The following NRDE2 variants were observed in gnomAD, a reference collection of about 807,000 sequenced individuals.
The protein encoded by NRDE2 is NRDE-2, necessary for RNA interference, domain containing.
A neutral mutation model predicts 124.2 loss-of-function variants in NRDE2; 76 were observed. The ratio of observed to expected loss-of-function variants is 0.61; its 90% CI spans 0.51 to 0.74. The LOEUF (loss-of-function observed/expected upper bound fraction) is 0.74. Among genes scored for constraint, NRDE2 ranks in the 30% least tolerant of loss-of-function variants. The probability of loss-of-function intolerance (pLI) is 0.00; values close to 1 mark genes in which losing one functional copy is unlikely to be tolerated. For synonymous variants in NRDE2, 489 were observed against 528.1 expected (o/e 0.93, Z 1.01); for missense variants, 1,314 against 1,417.3 (o/e 0.93, Z 1.17).
At chr14:90,303,844 CATTTGCTCAAAA>C in intron 5 of NRDE2, 79 bp downstream of exon 5, 1 of 1,164,466 alleles carries the variant, frequency 8.6e-7, no homozygotes, top group Non-Finnish European at 1.2e-6. Flanking sequence ...CAAATTTCCT[CATTTGCTCAAAA>C]ATTGCTGCAC....
chr14:90,277,513 C>T lies in NRDE2; in HGVS notation c.*823G>A, dbSNP rs994164593. On this transcript the variant is annotated 3_prime_UTR_variant, in exon 14 of 14. Coordinates refer to ENST00000354366, the MANE Select transcript of NRDE2 (RefSeq NM_017970.4). ...GACATTTCATTCTGTTCACAGCCCTCGAATGCAACACCAGAACCAGGCCAG... is the reference window on the plus strand; with the variant it reads ...GACATTTCATTCTGTTCACAGCCCTTGAATGCAACACCAGAACCAGGCCAG... 6.6e-6 allele frequency: 1 copy of T among 152,270 alleles called. No homozygotes were observed. The highest frequency in any genetic ancestry group is 6.5e-5 in the Admixed American group (1 of 15,292). The allele number at this position is 152,270 out of a possible 1,614,324, so 9.4% of individuals were successfully genotyped here. A position where few individuals can be genotyped will look rare whatever the true frequency, so the allele number is the denominator to read the frequency against.
chr14:90,314,247 G>A (rs186690815), intron 3 of NRDE2, among the ~76,000 whole-genome samples: 9 of 152,266 alleles, frequency 5.9e-5, no homozygotes, highest in Admixed American at 4.6e-4. Flanking sequence ...GAGTCTCATA[G>A]GGTCTGCTAC....
intron 4 of NRDE2, among the ~76,000 whole-genome samples, chr14:90,308,025 G>A (rs1007324590): frequency 6.6e-6 from 1 of 152,200 alleles, no homozygotes; most frequent in East Asian, 1.9e-4. Flanking sequence ...TGGGACTACA[G>A]GTGTGGGTCA....
At position 90,303,966 on chromosome 14, in the gene NRDE2, G is replaced by A. The variant is rs748952607; in HGVS notation, c.974C>T (p.Thr325Met). The A allele has an allele frequency of 1.4e-5, 23 of 1,612,724 alleles. No homozygotes were observed. The highest frequency in any genetic ancestry group is 1.6e-4 in the Middle Eastern group (1 of 6,080). ...AGCAACAAATGCCATCCACAGCTGC[G>A]TATCCCGAGGATTCTCCCGCACCCT... ...NRRVRENPRD[T>M]QLWMAFVAFQ... Residue 325 changes from threonine (T) to methionine (M), a missense_variant, in exon 5 of 14, where the codon ACG becomes ATG. Physicochemically the swap from Thr to Met is moderately conservative, Grantham distance 81 (BLOSUM62 -1). Transcript: ENST00000354366.
At chr14:90,288,034 G>A (rs928050433) in intron 11 of NRDE2, among the ~76,000 whole-genome samples, 183 bp downstream of exon 11, 11 of 152,150 alleles carry the variant, frequency 7.2e-5, no homozygotes, top group Admixed American at 2.6e-4. Context: ...GAGAGGCGCC[G>A]CTACTTTGTG....
intron 12 of NRDE2, chr14:90,280,502 C>T (rs1427125717): frequency 2.6e-5 from 4 of 152,310 alleles, no homozygotes; most frequent in Admixed American, 6.5e-5. Context: ...AATGTAACAA[C>T]CATGCACAGC....
rs371098585 is a variant in NRDE2, at chr14:90,276,217, G to GTTTTTTTTT, written c.*2110_*2118dup. The GTTTTTTTTT allele has an allele frequency of 8.4e-6, 1 of 118,686 alleles. No individual in the cohort carries two copies. Among genetic ancestry groups the GTTTTTTTTT allele is most frequent in the Non-Finnish European group, 1.6e-5 (1 of 61,734 alleles). 7.4% of individuals were successfully genotyped at this position (118,686 alleles called of 1,614,324 possible). On this transcript the variant is annotated 3_prime_UTR_variant, in exon 14 of 14. Coordinates refer to ENST00000354366, the MANE Select transcript of NRDE2 (RefSeq NM_017970.4). ...TCATGTCAGCAATCTCAAACGGGCT[G>GTTTTTTTTT]TTTTTTTTTTTTTTTTTTCGAGACG...
chr14:90,329,730 C>T (rs573439196), intron 1 of NRDE2, among the ~76,000 whole-genome samples: 3 of 149,332 alleles, frequency 2.0e-5, no homozygotes, highest in Admixed American at 6.7e-5. Context: ...CCAAGCTACT[C>T]GGGAGACTGA....
At position 90,301,232 on chromosome 14, in the gene NRDE2, T is replaced by C; in HGVS notation, c.1545+7A>G. On this transcript the variant is annotated splice_region_variant and intron_variant, in intron 7 of 13. Coordinates refer to ENST00000354366, the MANE Select transcript of NRDE2 (RefSeq NM_017970.4). ...AAGAGAGAGATGAGGCGAGCAGAGC[T>C]GGGTACCTGTCCTTTGGTAGGCAGA... The C allele has an allele frequency of 6.2e-7, 1 of 1,613,306 alleles. No individual in the cohort carries two copies. Among genetic ancestry groups the C allele is most frequent in the African/African-American group, 1.3e-5 (1 of 75,000 alleles).
At chr14:90,307,671 T>C (rs953275878) in intron 4 of NRDE2, among the ~76,000 whole-genome samples, 1 of 152,210 alleles carries the variant, frequency 6.6e-6, no homozygotes, top group African/African-American at 2.4e-5. Flanking sequence ...GTCAGGAGAT[T>C]GAGACCATAC....
chr14:90,290,929 C>A (rs972209693), intron 9 of NRDE2, among the ~76,000 whole-genome samples: 15 of 152,174 alleles, frequency 9.9e-5, no homozygotes, highest in Non-Finnish European at 2.9e-5. Context: ...AATCTAGAAA[C>A]ATGTTCACTT....
chr14:90,300,562 A>T (rs1420370617), intron 7 of NRDE2, among the ~76,000 whole-genome samples: 2 of 151,848 alleles, frequency 1.3e-5, no homozygotes, highest in Non-Finnish European at 2.9e-5. Flanking sequence ...AGCTCTATAA[A>T]AATTCTTTAT....
rs1491397403 is a variant in NRDE2 at position 90,274,838 on chromosome 14, A to ACACCCC, written c.*3497_*3498insGGGGTG. ...CACACACACACACACACACACACACACCCCAATACATATGAATTGATCTGA... is the reference window on the plus strand; with the variant it reads ...CACACACACACACACACACACACACACACCCCCCCCAATACATATGAATTGATCTGA... On this transcript the variant is annotated 3_prime_UTR_variant, in exon 14 of 14. Transcript: ENST00000354366. 65 of 67,192 alleles carry ACACCCC rather than the reference A, an allele frequency of 9.7e-4. No individual in the cohort carries two copies. The highest frequency in any genetic ancestry group is 6.8e-3 in the East Asian group (20 of 2,948). 4.2% of individuals were successfully genotyped at this position (67,192 alleles called of 1,614,324 possible).
chr14:90,270,071 G>T lies in NRDE2; in HGVS notation c.*8265C>A. On this transcript the variant is annotated 3_prime_UTR_variant, in exon 14 of 14. Coordinates refer to ENST00000354366, the MANE Select transcript of NRDE2 (RefSeq NM_017970.4). Reference sequence around the variant, plus strand: ...ATATATGTTTACTTTTTAAAATTTAGACATCCTTCCCACAGAATTCTGTCC... The same window carrying T: ...ATATATGTTTACTTTTTAAAATTTATACATCCTTCCCACAGAATTCTGTCC... The T allele has an allele frequency of 1.0e-6, 1 of 959,002 alleles. No homozygotes were observed. Among genetic ancestry groups the T allele is most frequent in the Non-Finnish European group, 1.5e-6 (1 of 654,292 alleles). The allele number at this position is 959,002 out of a possible 1,614,324, so 59.4% of individuals were successfully genotyped here.
chr14:90,295,109 G>C (rs1190025963), intron 8 of NRDE2, among the ~76,000 whole-genome samples: 1 of 152,120 alleles, frequency 6.6e-6, no homozygotes, highest in Non-Finnish European at 1.5e-5. Flanking sequence ...ATGTAAAATG[G>C]TGAAATGTGA....
At position 90,270,414 on chromosome 14, in the gene NRDE2, A is replaced by G; in HGVS notation, c.*7922T>C. ...GTGGCCGTCAATCAGGAAAGAGTCT[A>G]TATGTGCTCTTGGGATGGTGGTTGG... On this transcript the variant is annotated 3_prime_UTR_variant, in exon 14 of 14. Coordinates refer to ENST00000354366, the MANE Select transcript of NRDE2 (RefSeq NM_017970.4). 1.9e-6 allele frequency: 3 copies of G among 1,542,834 alleles called. No individual in the cohort carries two copies. Among genetic ancestry groups the G allele is most frequent in the Non-Finnish European group, 2.6e-6 (3 of 1,142,926 alleles).
In NRDE2 at chr14:90,273,395, T is replaced by TAA. The variant is rs1364611802; in HGVS notation, c.*4939_*4940dup. 6.6e-6 allele frequency: 1 copy of TAA among 152,026 alleles called. No individual in the cohort carries two copies. Among genetic ancestry groups the TAA allele is most frequent in the Non-Finnish European group, 1.5e-5 (1 of 68,016 alleles). The allele number at this position is 152,026 out of a possible 1,614,324, so 9.4% of individuals were successfully genotyped here. A position where few individuals can be genotyped will look rare whatever the true frequency, so the allele number is the denominator to read the frequency against. ...CAACATGGTGAAACCCCATCTTTAC[T>TAA]AAAAATACAAAAATTAGCTGTGCGT... On this transcript the variant is annotated 3_prime_UTR_variant, in exon 14 of 14. Coordinates refer to ENST00000354366, the MANE Select transcript of NRDE2 (RefSeq NM_017970.4).
chr14:90,317,206 G>C (rs987778893), intron 2 of NRDE2, among the ~76,000 whole-genome samples: 4 of 152,014 alleles, frequency 2.6e-5, no homozygotes, highest in Non-Finnish European at 2.9e-5. Flanking sequence ...AGGTGCTTGG[G>C]AGTTTGAGAC....
rs762880790 is a variant in NRDE2, at chr14:90,274,687, T to C, written c.*3649A>G. The C allele has an allele frequency of 1.3e-5, 2 of 152,094 alleles. No individual in the cohort carries two copies. The highest frequency in any genetic ancestry group is 2.9e-5 in the Non-Finnish European group (2 of 68,106). The allele number at this position is 152,094 out of a possible 1,614,324, so 9.4% of individuals were successfully genotyped here. A position where few individuals can be genotyped will look rare whatever the true frequency, so the allele number is the denominator to read the frequency against. ...GACATGTCCTAAGGACACCGAAGCC[T>C]ATGTGAAGGGGCTTCCACTGGCCAA... On this transcript the variant is annotated 3_prime_UTR_variant, in exon 14 of 14. Coordinates refer to ENST00000354366, the MANE Select transcript of NRDE2 (RefSeq NM_017970.4).
Sources: allele counts gnomAD v4.1 joint callset (sites outside exome capture counted in the v4.1 genomes callset), GRCh38; gene constraint gnomAD v4.1.1; transcripts MANE v1.5; gene names NCBI Gene and HGNC (gene_info 2026-07-23, HGNC 2026-07-21).